Variants in COL8A1 observed in about 807,000 individuals in gnomAD.
The protein encoded by COL8A1 is collagen type VIII alpha 1 chain.
COL8A1 carries 21 observed loss-of-function variants against 42.7 expected under a neutral mutation model. The ratio of observed to expected loss-of-function variants is 0.49; its 90% CI spans 0.35 to 0.71. The LOEUF (loss-of-function observed/expected upper bound fraction) is 0.71, where lower values mean the gene tolerates loss of function less well. Among genes scored for constraint, COL8A1 ranks in the 30% least tolerant of loss-of-function variants. The pLI, the probability that COL8A1 is intolerant of heterozygous loss-of-function variation, is 0.01. For synonymous variants in COL8A1, 367 were observed against 369.1 expected, an observed-to-expected ratio of 0.99 and a Z score of 0.06; for missense variants, 788 against 962.4, an observed-to-expected ratio of 0.82 and a Z score of 2.40.
intron 1 of COL8A1, among the ~76,000 whole-genome samples, chr3:99,656,623 G>A (rs868543621): frequency 5.9e-5 from 9 of 152,010 alleles, no homozygotes; most frequent in Admixed American, 1.3e-4. Flanking sequence ...GCAAACACCC[G>A]TCAAGGAAAA....
chr3:99,709,519 C>T (rs2107355666), intron 1 of COL8A1, among the ~76,000 whole-genome samples: 1 of 152,260 alleles, frequency 6.6e-6, no homozygotes, highest in African/African-American at 2.4e-5. Flanking sequence ...ACCCAAATTA[C>T]AGCAAATAAA....
chr3:99,654,048 G>C (rs904104066), intron 1 of COL8A1, among the ~76,000 whole-genome samples: 1 of 152,170 alleles, frequency 6.6e-6, no homozygotes, highest in Non-Finnish European at 1.5e-5. Context: ...CCGAGGGCCT[G>C]AGAGCCCCTG....
At chr3:99,667,997 GA>G (rs1938419006) in intron 1 of COL8A1, among the ~76,000 whole-genome samples, 1 of 152,014 alleles carries the variant, frequency 6.6e-6, no homozygotes, top group Non-Finnish European at 1.5e-5. Flanking sequence ...AGCTGGACCA[GA>G]ATGTGAAAAA....
At chr3:99,784,054 A>G (rs1941846386) in intron 2 of COL8A1, among the ~76,000 whole-genome samples, 1 of 152,224 alleles carries the variant, frequency 6.6e-6, no homozygotes, top group African/African-American at 2.4e-5. Context: ...GTCTTATGTA[A>G]GAGAAGAATT....
At chr3:99,722,789 C>T (rs551797454) in intron 1 of COL8A1, among the ~76,000 whole-genome samples, 7 of 152,188 alleles carry the variant, frequency 4.6e-5, no homozygotes, top group South Asian at 2.1e-4. Context: ...TTGAGACTAT[C>T]GTCCACCCAT....
At chr3:99,758,812 TACC>T (rs2107422499) in intron 2 of COL8A1, among the ~76,000 whole-genome samples, 2 of 152,282 alleles carry the variant, frequency 1.3e-5, no homozygotes, top group East Asian at 3.9e-4. Context: ...TCCCTGCACC[TACC>T]ACTGAGACTG....
At chr3:99,654,351 C>T (rs1232496957) in intron 1 of COL8A1, among the ~76,000 whole-genome samples, 4 of 152,202 alleles carry the variant, frequency 2.6e-5, no homozygotes, top group East Asian at 1.9e-4. Context: ...TCCTTCAATC[C>T]AATCGAGTTG....
At chr3:99,645,676 C>T (rs1329051671) in intron 1 of COL8A1, among the ~76,000 whole-genome samples, 2 of 148,694 alleles carry the variant, frequency 1.3e-5, no homozygotes, top group East Asian at 4.0e-4. Flanking sequence ...TGTAGTAGAT[C>T]ACATTGTTAG....
intron 1 of COL8A1, among the ~76,000 whole-genome samples, chr3:99,676,972 C>A (rs1282833108): frequency 6.6e-6 from 1 of 151,890 alleles, no homozygotes; most frequent in Non-Finnish European, 1.5e-5. Context: ...AATGCCACCA[C>A]TTTGGGAGGC....
chr3:99,665,848 AT>A (rs537279334), intron 1 of COL8A1, among the ~76,000 whole-genome samples: 747 of 134,192 alleles, frequency 5.6e-3, no homozygotes, highest in Middle Eastern at 7.7e-3. Flanking sequence ...CACTTAGCTA[AT>A]TTTTTTTTTT....
At chr3:99,652,042 A>G (rs1409368090) in intron 1 of COL8A1, among the ~76,000 whole-genome samples, 1 of 152,248 alleles carries the variant, frequency 6.6e-6, no homozygotes, top group Non-Finnish European at 1.5e-5. Context: ...AAAGATAGCA[A>G]TAACATTTAA....
chr3:99,747,174 T>A (rs1450332823), intron 2 of COL8A1, among the ~76,000 whole-genome samples: 1 of 152,202 alleles, frequency 6.6e-6, no homozygotes, highest in Non-Finnish European at 1.5e-5. Flanking sequence ...TTCTTTCTGA[T>A]CCTTTTACCT....
At chr3:99,706,276 G>C (rs1939678550) in intron 1 of COL8A1, among the ~76,000 whole-genome samples, 1 of 152,136 alleles carries the variant, frequency 6.6e-6, no homozygotes, top group Admixed American at 6.5e-5. Flanking sequence ...GTTAATCTCT[G>C]GTTCAGGTCT....
At chr3:99,736,331 C>A (rs931743891) in intron 1 of COL8A1, among the ~76,000 whole-genome samples, 19 of 152,240 alleles carry the variant, frequency 1.2e-4, no homozygotes, top group African/African-American at 4.3e-4. Context: ...GAATGCGTCC[C>A]AGAGATTCTG....
chr3:99,657,786 C>T (rs1471114159), intron 1 of COL8A1, among the ~76,000 whole-genome samples: 4 of 152,292 alleles, frequency 2.6e-5, no homozygotes, highest in African/African-American at 9.6e-5. Context: ...ATCTGCCACA[C>T]ATAGTGTTCT....
intron 1 of COL8A1, among the ~76,000 whole-genome samples, chr3:99,665,764 C>T (rs932349294): frequency 2.1e-4 from 31 of 149,434 alleles, no homozygotes; most frequent in Non-Finnish European, 4.3e-4. Context: ...TCACTGCAAC[C>T]TCCGCCTCCC....
intron 1 of COL8A1, among the ~76,000 whole-genome samples, chr3:99,668,623 C>A (rs896278253): frequency 1.3e-5 from 2 of 151,974 alleles, no homozygotes; most frequent in Admixed American, 6.6e-5. Context: ...AAGTCTAACT[C>A]TAATTTTTCA....
chr3:99,687,584 T>C (rs1360636454), intron 1 of COL8A1, among the ~76,000 whole-genome samples: 1 of 152,222 alleles, frequency 6.6e-6, no homozygotes, highest in Non-Finnish European at 1.5e-5. Context: ...CACTAGGTGC[T>C]GGCAGTAGAA....
At chr3:99,706,131 T>A (rs991724012) in intron 1 of COL8A1, among the ~76,000 whole-genome samples, 2 of 152,118 alleles carry the variant, frequency 1.3e-5, no homozygotes, top group African/African-American at 4.8e-5. Context: ...GGCAACATCG[T>A]CTCACCTTCT....
Sources: gnomAD v4.1 joint callset for allele counts (sites outside exome capture counted in the v4.1 genomes callset) on GRCh38, gnomAD v4.1.1 for gene constraint, MANE v1.5 for transcripts, NCBI Gene and HGNC (gene_info 2026-07-23, HGNC 2026-07-21) for gene names.